The following WDPCP variants were observed in gnomAD, a reference collection of about 807,000 sequenced individuals.
WDPCP encodes WD repeat containing planar cell polarity effector, also known as WD repeat-containing and planar cell polarity effector protein fritz homolog.
A neutral mutation model predicts 93.1 loss-of-function variants in WDPCP; 71 were observed. The observed-to-expected ratio is 0.76, with a 90% confidence interval of 0.63 to 0.93. The LOEUF (loss-of-function observed/expected upper bound fraction) is 0.93, where lower values mean the gene tolerates loss of function less well. Ranked by LOEUF, WDPCP falls within the 40% of genes least tolerant of loss-of-function variation. WDPCP has a pLI of 0.00. For missense variants in WDPCP, 844 were observed against 887.4 expected (o/e 0.95, Z 0.62); for synonymous variants, 315 against 315.0 (o/e 1.00, Z 0.00).
intron 2 of WDPCP, among the ~76,000 whole-genome samples, chr2:63,672,712 CTTTAT>C (rs70965140): frequency 0.23 from 25,367 of 112,636 alleles, 3,268 homozygotes; most frequent in East Asian, 0.63. Flanking sequence ...TCACTGAAGC[CTTTAT>C]TTTATTTTAT....
At chr2:63,699,537 G>A (rs1669014083) in intron 2 of WDPCP, among the ~76,000 whole-genome samples, 1 of 152,216 alleles carries the variant, frequency 6.6e-6, no homozygotes, top group African/African-American at 2.4e-5. Context: ...GCTGGCCTTT[G>A]AGCTGGGCCT....
At chr2:63,344,303 G>A (rs182388894) in intron 12 of WDPCP, among the ~76,000 whole-genome samples, 2 of 152,238 alleles carry the variant, frequency 1.3e-5, no homozygotes, top group Admixed American at 1.3e-4. Context: ...TGACCTAACA[G>A]AGATGCCTTT....
chr2:63,178,081 T>G (rs1673953640), intron 14 of WDPCP, among the ~76,000 whole-genome samples: 1 of 152,202 alleles, frequency 6.6e-6, no homozygotes, highest in Non-Finnish European at 1.5e-5. Context: ...TACTTGATCA[T>G]GGTGTATTAT....
chr2:63,244,256 A>T (rs1680093181), intron 14 of WDPCP, among the ~76,000 whole-genome samples: 1 of 152,184 alleles, frequency 6.6e-6, no homozygotes, highest in South Asian at 2.1e-4. Context: ...AAACACCTAC[A>T]TCAAGAAGTT....
intron 13 of WDPCP, among the ~76,000 whole-genome samples, chr2:63,264,607 G>GAGAGAGATTGCAATACAAT (rs1217541394): frequency 6.6e-6 from 1 of 152,160 alleles, no homozygotes; most frequent in African/African-American, 2.4e-5. Context: ...GTTTGAAGGG[G>GAGAGAGATTGCAATACAAT]AGAGAGATTG....
intron 9 of WDPCP, among the ~76,000 whole-genome samples, chr2:63,416,047 T>A (rs764163405): frequency 6.6e-6 from 1 of 152,092 alleles, no homozygotes; most frequent in Non-Finnish European, 1.5e-5. Flanking sequence ...ATGAAAAAAA[T>A]TCCTAAAATG....
intron 2 of WDPCP, among the ~76,000 whole-genome samples, chr2:63,774,951 G>A (rs774725873): frequency 6.6e-6 from 1 of 152,094 alleles, no homozygotes; most frequent in Non-Finnish European, 1.5e-5. Flanking sequence ...GACCTCTAAT[G>A]GTTCTTGTCC....
intron 1 of WDPCP, among the ~76,000 whole-genome samples, chr2:63,565,882 C>A (rs1183869534): frequency 1.3e-5 from 2 of 152,166 alleles, no homozygotes; most frequent in Non-Finnish European, 2.9e-5. Flanking sequence ...ACATATATAG[C>A]CATCGCCCAG....
At chr2:63,599,030 C>T (rs7591566) in intron 3 of WDPCP, 1 of 586,034 alleles carries the variant, frequency 1.7e-6, no homozygotes, top group Non-Finnish European at 2.7e-6. Context: ...AATGCATTTT[C>T]CTATGCTATA....
intron 2 of WDPCP, among the ~76,000 whole-genome samples, chr2:63,705,978 C>A (rs1051444108): frequency 1.2e-4 from 19 of 152,062 alleles, no homozygotes; most frequent in African/African-American, 4.3e-4. Context: ...AATCTGGGTG[C>A]CCCTGTATTG....
intron 3 of WDPCP, among the ~76,000 whole-genome samples, chr2:63,627,707 A>C (rs1365865327): frequency 6.6e-6 from 1 of 152,190 alleles, no homozygotes; most frequent in Non-Finnish European, 1.5e-5. Context: ...GCCAGACTTG[A>C]AGGGAAGAAT....
intron 11 of WDPCP, among the ~76,000 whole-genome samples, chr2:63,379,811 T>G (rs1163196641): frequency 1.3e-5 from 2 of 152,100 alleles, no homozygotes; most frequent in East Asian, 3.8e-4. Flanking sequence ...AGAATAAGTC[T>G]CAAGAGAGAA....
At chr2:63,164,121 G>C (rs539735774) in intron 15 of WDPCP, among the ~76,000 whole-genome samples, 2 of 152,260 alleles carry the variant, frequency 1.3e-5, no homozygotes, top group Admixed American at 6.5e-5. Flanking sequence ...CCTTGGAAAG[G>C]ATAATCTAAT....
chr2:63,780,304 G>A (rs1670367847), intron 2 of WDPCP, among the ~76,000 whole-genome samples: 1 of 152,144 alleles, frequency 6.6e-6, no homozygotes, highest in African/African-American at 2.4e-5. Context: ...ACACATTTTA[G>A]TTTGATGAAT....
intron 2 of WDPCP, among the ~76,000 whole-genome samples, chr2:63,792,010 T>C (rs1670552262): frequency 6.6e-6 from 1 of 152,136 alleles, no homozygotes; most frequent in Non-Finnish European, 1.5e-5. Context: ...CCAACAAATG[T>C]TTAGTTGCCT....
intron 6 of WDPCP, among the ~76,000 whole-genome samples, chr2:63,463,224 AT>A (rs945998107): frequency 7.9e-5 from 12 of 151,914 alleles, no homozygotes; most frequent in African/African-American, 2.9e-4. Context: ...AGATGATAAG[AT>A]TTTTTTTACA....
At chr2:63,571,254 G>A (rs922429594) in intron 1 of WDPCP, 8 of 393,036 alleles carry the variant, frequency 2.0e-5, no homozygotes, top group Non-Finnish European at 4.0e-5. Context: ...TTCCTCATGT[G>A]TAAAATAAAT....
intron 1 of WDPCP, among the ~76,000 whole-genome samples, chr2:63,575,283 C>T (rs1345717051): frequency 2.0e-5 from 3 of 147,842 alleles, no homozygotes; most frequent in Non-Finnish European, 3.0e-5. Context: ...ATATTATATA[C>T]ACATATATAG....
At chr2:63,271,255 A>G (rs1427708927) in intron 13 of WDPCP, among the ~76,000 whole-genome samples, 1 of 152,200 alleles carries the variant, frequency 6.6e-6, no homozygotes, top group Admixed American at 6.5e-5. Flanking sequence ...AGCAAAGCCA[A>G]TGTGCACTTG....
Sources: allele counts gnomAD v4.1 joint callset (sites outside exome capture counted in the v4.1 genomes callset), GRCh38; gene constraint gnomAD v4.1.1; transcripts MANE v1.5; gene names NCBI Gene and HGNC (gene_info 2026-07-23, HGNC 2026-07-21).